PRKG1: variants seen among roughly 807,000 people sequenced by gnomAD.
PRKG1 encodes protein kinase cGMP-dependent 1.
In PRKG1, 35 loss-of-function variants were observed where a neutral mutation model predicts 88.1. The observed-to-expected ratio is 0.40, with a 90% CI of 0.30 to 0.53. The LOEUF (loss-of-function observed/expected upper bound fraction) is 0.53, where lower values mean the gene tolerates loss of function less well. Among genes scored for constraint, PRKG1 ranks in the 20% least tolerant of loss-of-function variants. The pLI is 0.59. For synonymous variants in PRKG1, 303 were observed against 292.5 expected, an observed-to-expected ratio of 1.04 and a Z score of -0.37; for missense variants, 540 against 839.8, an observed-to-expected ratio of 0.64 and a Z score of 4.41.
chr10:51,689,770 G>T (rs549244672), intron 3 of PRKG1, among the ~76,000 whole-genome samples: 2 of 152,242 alleles, frequency 1.3e-5, no homozygotes, highest in South Asian at 4.1e-4. Context: ...CCATTCAAAG[G>T]CCTGGGGAAA....
intron 3 of PRKG1, among the ~76,000 whole-genome samples, chr10:51,648,283 C>T (rs979864794): frequency 6.6e-5 from 10 of 152,160 alleles, no homozygotes; most frequent in East Asian, 3.9e-4. Flanking sequence ...CTATCTCCAC[C>T]GCTATCCAAA....
In PRKG1 at chr10:52,249,409, A is replaced by T. The variant is rs529805858; in HGVS notation, c.1077-2161A>T. On this transcript the variant is annotated intron_variant, in intron 9 of 17. Coordinates refer to ENST00000373980, the MANE Select transcript of PRKG1 (RefSeq NM_006258.4). Reference sequence around the variant, plus strand: ...ACCTGGGAGCTTTTTAAAAGTAGGGATGTCTAGGTAGCACCTCCAGAAATT... The same window carrying T: ...ACCTGGGAGCTTTTTAAAAGTAGGGTTGTCTAGGTAGCACCTCCAGAAATT... Among the ~76,000 whole-genome samples the T allele has an allele frequency of 4.6e-5, 7 of 152,034 alleles. No individual in the cohort carries two copies. The South Asian group carries it at 1.2e-3, about 27-fold the overall frequency.
intron 7 of PRKG1, among the ~76,000 whole-genome samples, chr10:52,064,910 T>C (rs1031886833): frequency 6.6e-6 from 1 of 152,170 alleles, no homozygotes; most frequent in Non-Finnish European, 1.5e-5. Flanking sequence ...CAGGGTTCAC[T>C]TGTAGGTCAT....
intron 17 of PRKG1, among the ~76,000 whole-genome samples, chr10:52,291,243 T>G (rs1049148142): frequency 3.4e-5 from 2 of 59,532 alleles, no homozygotes; most frequent in African/African-American, 3.6e-4. Context: ...CTTTTATTTT[T>G]TTATTTTTTT....
At chr10:51,478,058 G>A (rs1235158729) in intron 3 of PRKG1, among the ~76,000 whole-genome samples, 2 of 151,984 alleles carry the variant, frequency 1.3e-5, no homozygotes, top group Non-Finnish European at 2.9e-5. Context: ...ATTCATCTGT[G>A]TTGTCCCATA....
intron 3 of PRKG1, among the ~76,000 whole-genome samples, chr10:51,503,240 C>CT (rs989228645): frequency 4.3e-4 from 66 of 152,156 alleles, no homozygotes; most frequent in African/African-American, 1.4e-3. Flanking sequence ...TAGAACCCTC[C>CT]TTTTTTTATT....
intron 3 of PRKG1, among the ~76,000 whole-genome samples, chr10:51,751,596 G>T (rs1228853534): frequency 6.6e-6 from 1 of 152,088 alleles, no homozygotes; most frequent in African/African-American, 2.4e-5. Context: ...ACGTTGCATG[G>T]AACATACTCT....
chr10:51,723,721 CAT>C (rs1842067915), intron 3 of PRKG1, among the ~76,000 whole-genome samples: 1 of 152,056 alleles, frequency 6.6e-6, no homozygotes, highest in African/African-American at 2.4e-5. Context: ...AAATATTTAA[CAT>C]AAAAAATCCT....
intron 3 of PRKG1, among the ~76,000 whole-genome samples, chr10:51,793,759 T>A (rs1589292071): frequency 6.6e-6 from 1 of 152,152 alleles, no homozygotes; most frequent in African/African-American, 2.4e-5. Flanking sequence ...ATATATTAGA[T>A]AAAATACATT....
chr10:51,130,673 C>T (rs1458744643), intron 1 of PRKG1, among the ~76,000 whole-genome samples: 2 of 151,942 alleles, frequency 1.3e-5, no homozygotes, highest in Non-Finnish European at 2.9e-5. Flanking sequence ...GAGGCAAAGG[C>T]AGGTGGATCA....
chr10:51,740,050 T>TA (rs960203725), intron 3 of PRKG1, among the ~76,000 whole-genome samples: 1 of 152,198 alleles, frequency 6.6e-6, no homozygotes, highest in African/African-American at 2.4e-5. Context: ...TCTTTTGTGA[T>TA]AGAGTTTCAC....
chr10:51,616,489 G>A (rs1839059614), intron 3 of PRKG1, among the ~76,000 whole-genome samples: 1 of 152,142 alleles, frequency 6.6e-6, no homozygotes, highest in Non-Finnish European at 1.5e-5. Context: ...AGTCCCCCAG[G>A]TGGCACATGC....
chr10:50,997,175 G>GT (rs891503674), intron 1 of PRKG1, among the ~76,000 whole-genome samples: 4 of 152,118 alleles, frequency 2.6e-5, no homozygotes, highest in Non-Finnish European at 5.9e-5. Flanking sequence ...TGGGTTGTTT[G>GT]TTTTTTTATT....
At chr10:52,150,766 A>G (rs374007747) in intron 8 of PRKG1, among the ~76,000 whole-genome samples, 1 of 152,172 alleles carries the variant, frequency 6.6e-6, no homozygotes, top group Admixed American at 6.5e-5. Flanking sequence ...TTATTATGCC[A>G]TTTTAGGATT....
intron 2 of PRKG1, among the ~76,000 whole-genome samples, chr10:51,212,267 AG>A (rs1433395897): frequency 6.6e-6 from 1 of 151,800 alleles, no homozygotes; most frequent in Non-Finnish European, 1.5e-5. Context: ...AGCCATATGT[AG>A]AAAGCTGAAA....
At chr10:51,504,554 C>T (rs1411176330) in intron 3 of PRKG1, among the ~76,000 whole-genome samples, 1 of 152,098 alleles carries the variant, frequency 6.6e-6, no homozygotes, top group African/African-American at 2.4e-5. Context: ...CTATAAATTA[C>T]CTTGGGCAGC....
At chr10:51,665,232 CATT>C (rs1840394688) in intron 3 of PRKG1, among the ~76,000 whole-genome samples, 2 of 151,892 alleles carry the variant, frequency 1.3e-5, no homozygotes, top group African/African-American at 2.4e-5. Context: ...CTAAAGCAAA[CATT>C]ATAAAGAAAC....
intron 5 of PRKG1, among the ~76,000 whole-genome samples, chr10:51,989,292 T>G (rs796539263): frequency 2.0e-5 from 3 of 152,206 alleles, no homozygotes; most frequent in African/African-American, 7.2e-5. Flanking sequence ...GTTTGGTCTT[T>G]ATATTGAGAT....
intron 9 of PRKG1, among the ~76,000 whole-genome samples, chr10:52,218,251 T>C (rs1840161652): frequency 6.6e-6 from 1 of 151,562 alleles, no homozygotes; most frequent in Non-Finnish European, 1.5e-5. Context: ...AGTTTTTTTT[T>C]TGGTTTTGGG....
Sources: allele counts gnomAD v4.1 joint callset (sites outside exome capture counted in the v4.1 genomes callset), GRCh38; gene constraint gnomAD v4.1.1; transcripts MANE v1.5; gene names NCBI Gene and HGNC (gene_info 2026-07-23, HGNC 2026-07-21).